The following MYO16 variants were observed in gnomAD, a reference collection of about 807,000 sequenced individuals.
MYO16 encodes the protein unconventional myosin-XVI.
In MYO16, 94 loss-of-function variants were observed where a neutral mutation model predicts 205.3. That is an observed-to-expected ratio of 0.46 (90% CI 0.39 to 0.54). The LOEUF (loss-of-function observed/expected upper bound fraction) is 0.54. Ranked by LOEUF, MYO16 falls within the 20% of genes least tolerant of loss-of-function variation. The pLI is 0.00. For synonymous variants in MYO16, 988 were observed against 954.0 expected (o/e 1.04, Z -0.66); for missense variants, 2,315 against 2,387.5 (o/e 0.97, Z 0.63).
At chr13:108,973,721 G>C (rs1884140586) in intron 20 of MYO16, among the ~76,000 whole-genome samples, 2 of 152,176 alleles carry the variant, frequency 1.3e-5, no homozygotes, top group South Asian at 4.1e-4. Flanking sequence ...TGTATTAGGT[G>C]AGTACATTCA....
intron 22 of MYO16, among the ~76,000 whole-genome samples, chr13:109,013,845 C>G (rs1885706029): frequency 6.6e-6 from 1 of 152,096 alleles, no homozygotes. Flanking sequence ...TGTTTAAGTT[C>G]TTTGTAGATT....
intron 1 of MYO16, among the ~76,000 whole-genome samples, chr13:108,660,893 T>C (rs1881472913): frequency 6.6e-6 from 1 of 152,190 alleles, no homozygotes; most frequent in African/African-American, 2.4e-5. Flanking sequence ...ATGGATCCTG[T>C]GTGCTTTATG....
At chr13:108,507,151 A>C in the MYO16 span, among the ~76,000 whole-genome samples, 1 of 152,096 alleles carries the variant, frequency 6.6e-6, no homozygotes, top group African/African-American at 2.4e-5. Context: ...AATATTTTCA[A>C]CTTACAATGG....
chr13:109,205,986 A>G (rs1034319735), intron 34 of MYO16, among the ~76,000 whole-genome samples: 10 of 152,114 alleles, frequency 6.6e-5, no homozygotes, highest in Admixed American at 5.9e-4. Context: ...CCCGCCTTGA[A>G]TGAGCTCATT....
intron 16 of MYO16, among the ~76,000 whole-genome samples, chr13:108,923,549 G>T (rs1881841268): frequency 6.6e-6 from 1 of 152,230 alleles, no homozygotes; most frequent in Non-Finnish European, 1.5e-5. Flanking sequence ...GGGAACACCA[G>T]CTCGGGCTGG....
the MYO16 span, among the ~76,000 whole-genome samples, chr13:108,540,189 T>C: frequency 6.6e-6 from 1 of 152,242 alleles, no homozygotes; most frequent in Non-Finnish European, 1.5e-5. Flanking sequence ...TGAAGGACAC[T>C]GGTAGGAAAA....
chr13:108,965,647 C>T (rs950202955), intron 20 of MYO16, among the ~76,000 whole-genome samples: 3 of 152,154 alleles, frequency 2.0e-5, no homozygotes, highest in Non-Finnish European at 4.4e-5. Context: ...CTCAGGTGAT[C>T]CGCCTGCCTC....
chr13:109,054,914 C>G, intron 25 of MYO16, 132 bp from the exon 26 acceptor site: 8 of 494,886 alleles, frequency 1.6e-5, no homozygotes, highest in East Asian at 3.6e-5. Context: ...TTCTTTTCTT[C>G]TTCCTTCCTT....
chr13:108,928,274 G>A (rs373652811), intron 16 of MYO16, among the ~76,000 whole-genome samples: 29 of 152,234 alleles, frequency 1.9e-4, no homozygotes, highest in East Asian at 7.7e-4. Context: ...AGTGCCAGAC[G>A]CCCCATCACG....
chr13:108,850,255 C>G (rs1434097675), intron 10 of MYO16, among the ~76,000 whole-genome samples: 3 of 152,204 alleles, frequency 2.0e-5, no homozygotes, highest in African/African-American at 7.2e-5. Context: ...ACATGTGCTA[C>G]CAACCTCCCA....
intron 16 of MYO16, among the ~76,000 whole-genome samples, chr13:108,925,070 A>AT (rs1213678812): frequency 2.0e-5 from 3 of 152,046 alleles, no homozygotes; most frequent in Non-Finnish European, 4.4e-5. Flanking sequence ...ACACAGAGTC[A>AT]TTTTTTGGAT....
rs543409526 is a variant in MYO16 at position 108,883,172 on chromosome 13, G to A, written c.1539G>A (p.Gln513=). 1.9e-6 allele frequency: 3 copies of A among 1,613,908 alleles called. No individual in the cohort carries two copies. In the Admixed American group the frequency reaches 5.0e-5, roughly 27 times the overall value. ...AGCTCTTCCGGGAACAGCGGCCTCAGTGTTTCATCCTCAGGTGAGTCCTCC... is the reference window on the plus strand; with the variant it reads ...AGCTCTTCCGGGAACAGCGGCCTCAATGTTTCATCCTCAGGTGAGTCCTCC... ...FHQLFREQRP[Q]CFILSGERGS... The change falls in exon 13 of 35, where the codon CAG becomes CAA. Residue 513 remains glutamine, a synonymous_variant. Coordinates refer to ENST00000457511, the MANE Select transcript of MYO16 (RefSeq NM_001198950.3).
chr13:109,157,242 C>CAAAAA (rs56176251), intron 32 of MYO16, among the ~76,000 whole-genome samples: 2 of 108,162 alleles, frequency 1.8e-5, no homozygotes, highest in Non-Finnish European at 1.8e-5. Flanking sequence ...TTAGTATTTA[C>CAAAAA]AAAAAAAAAA....
intron 16 of MYO16, among the ~76,000 whole-genome samples, chr13:108,916,829 GC>G (rs1881514521): frequency 6.6e-6 from 1 of 152,158 alleles, no homozygotes; most frequent in Non-Finnish European, 1.5e-5. Flanking sequence ...AGGATATTTA[GC>G]TGGAATATTT....
chr13:108,496,433 C>T, the MYO16 span, among the ~76,000 whole-genome samples: 1 of 152,250 alleles, frequency 6.6e-6, no homozygotes, highest in Non-Finnish European at 1.5e-5. Flanking sequence ...AGGAGGGCTC[C>T]CCAGCTGTTG....
chr13:108,510,461 G>GTTTTTT, the MYO16 span, among the ~76,000 whole-genome samples: 43 of 45,898 alleles, frequency 9.4e-4, 3 homozygotes, highest in African/African-American at 3.2e-3. Flanking sequence ...ATTGATAGCT[G>GTTTTTT]TTTTTTTTTT....
the MYO16 span, among the ~76,000 whole-genome samples, chr13:108,567,979 G>A: frequency 6.6e-6 from 1 of 152,022 alleles, no homozygotes; most frequent in Non-Finnish European, 1.5e-5. Flanking sequence ...TTTGTGTCTG[G>A]CTTTGTTCAC....
At chr13:108,867,632 T>C (rs1295460740) in intron 12 of MYO16, among the ~76,000 whole-genome samples, 1 of 152,262 alleles carries the variant, frequency 6.6e-6, no homozygotes, top group African/African-American at 2.4e-5. Flanking sequence ...TATCTTTCAC[T>C]TTGTGAGTCC....
In MYO16 at chr13:108,712,692, C is replaced by T. The variant is rs753914900; in HGVS notation, c.324C>T (p.Pro108=). The T allele has an allele frequency of 4.4e-5, 71 of 1,614,034 alleles. No individual in the cohort carries two copies. Among genetic ancestry groups the T allele is most frequent in the Non-Finnish European group, 5.8e-5 (69 of 1,180,006 alleles). The change falls in exon 3 of 35, where the codon CCC becomes CCT. Residue 108 remains proline (P), a synonymous_variant. Coordinates refer to ENST00000457511, the MANE Select transcript of MYO16 (RefSeq NM_001198950.3). The part of the protein sequence containing the change: ...VLRLLKEGAD[P]HTLVSSGGSL... ...GGCTCCTGAAGGAGGGGGCAGACCC[C>T]CACACCCTCGTCTCCTCGGGAGGGT...
Sources: allele counts gnomAD v4.1 joint callset (sites outside exome capture counted in the v4.1 genomes callset), GRCh38; gene constraint gnomAD v4.1.1; transcripts MANE v1.5; gene names NCBI Gene and HGNC (gene_info 2026-07-23, HGNC 2026-07-21).